CCDC125: variants seen among roughly 807,000 people sequenced by gnomAD.
The protein encoded by CCDC125 is coiled-coil domain-containing protein 125.
CCDC125 carries 43 observed loss-of-function variants against 57.4 expected under a neutral mutation model. The observed-to-expected ratio is 0.75, with a 90% CI of 0.59 to 0.97. The LOEUF is 0.97. Among genes scored for constraint, CCDC125 ranks in the 50% least tolerant of loss-of-function variants. The probability of loss-of-function intolerance (pLI) is 0.00; values close to 1 mark genes in which losing one functional copy is unlikely to be tolerated. For synonymous variants in CCDC125, 187 were observed against 195.2 expected, an observed-to-expected ratio of 0.96 and a Z score of 0.35; for missense variants, 563 against 595.7, an observed-to-expected ratio of 0.95 and a Z score of 0.57.
intron 8 of CCDC125, among the ~76,000 whole-genome samples, chr5:69,298,218 G>A (rs1257265296): frequency 1.3e-5 from 2 of 152,004 alleles, no homozygotes; most frequent in African/African-American, 4.8e-5. Flanking sequence ...GTTTCATCAT[G>A]TTGGCCAGGA....
intron 6 of CCDC125, among the ~76,000 whole-genome samples, chr5:69,304,668 G>A (rs1340691147): frequency 2.0e-5 from 3 of 151,826 alleles, no homozygotes; most frequent in Non-Finnish European, 2.9e-5. Context: ...CAAGTGATCT[G>A]CCCACCTCGG....
intron 10 of CCDC125, among the ~76,000 whole-genome samples, chr5:69,291,665 T>G (rs1026173817): frequency 2.0e-5 from 3 of 152,198 alleles, no homozygotes; most frequent in African/African-American, 7.2e-5. Context: ...TGGCCATAAA[T>G]TTTTGATGGG....
intron 9 of CCDC125, chr5:69,294,019 C>T (rs895958053): frequency 2.0e-5 from 6 of 294,378 alleles, no homozygotes; most frequent in Non-Finnish European, 3.0e-5. Flanking sequence ...AGACCTACCC[C>T]GTCCAAAGCC....
At chr5:69,304,707 G>C (rs1321989135) in intron 6 of CCDC125, among the ~76,000 whole-genome samples, 4 of 152,152 alleles carry the variant, frequency 2.6e-5, no homozygotes, top group Non-Finnish European at 1.5e-5. Flanking sequence ...TTACAGGCGT[G>C]AGCCACTGCG....
chr5:69,313,196 G>A (rs1373182417), intron 3 of CCDC125, among the ~76,000 whole-genome samples: 13 of 152,330 alleles, frequency 8.5e-5, no homozygotes, highest in Non-Finnish European at 1.8e-4. Flanking sequence ...CAGGGATGGA[G>A]GGAGGAGGAA....
chr5:69,285,491 G>C (rs199536108), intron 10 of CCDC125, 24 bp from the exon 11 acceptor site: 2 of 1,582,450 alleles, frequency 1.3e-6, no homozygotes, highest in Non-Finnish European at 1.7e-6. Flanking sequence ...TGAGAATCCA[G>C]CTGAGACATT....
downstream of CCDC125, among the ~76,000 whole-genome samples, chr5:69,275,479 A>G (rs1158109595): frequency 2.0e-5 from 3 of 152,192 alleles, no homozygotes; most frequent in Non-Finnish European, 4.4e-5. Flanking sequence ...GAAATGTACA[A>G]TATTTCACTA....
chr5:69,318,770 A>T (rs1759547761), intron 2 of CCDC125, among the ~76,000 whole-genome samples: 1 of 151,660 alleles, frequency 6.6e-6, no homozygotes, highest in Admixed American at 6.6e-5. Flanking sequence ...AATAAATAAA[A>T]ATAAAAAATA....
chr5:69,330,796 C>T (rs534730788), intron 1 of CCDC125, among the ~76,000 whole-genome samples: 9 of 152,268 alleles, frequency 5.9e-5, no homozygotes, highest in Admixed American at 3.9e-4. Context: ...ATTCTTTGCA[C>T]ATTAATTTCA....
At chr5:69,279,387 G>A (rs187057144), downstream of CCDC125, among the ~76,000 whole-genome samples, 179 of 152,100 alleles carry the variant, frequency 1.2e-3, no homozygotes, top group African/African-American at 4.1e-3. Context: ...TAGTAGAGAC[G>A]GGGTTTCACT....
chr5:69,307,229 A>G (rs971762886), intron 5 of CCDC125, among the ~76,000 whole-genome samples: 5 of 152,068 alleles, frequency 3.3e-5, no homozygotes, highest in Non-Finnish European at 5.9e-5. Context: ...ACTCCTGGAA[A>G]TCTTAACTCA....
At chr5:69,328,125 A>G (rs1267236667) in intron 1 of CCDC125, among the ~76,000 whole-genome samples, 5 of 152,116 alleles carry the variant, frequency 3.3e-5, no homozygotes, top group Non-Finnish European at 7.4e-5. Context: ...CAAACTCCTG[A>G]CCTCAGGCCA....
chr5:69,284,555 T>G (rs2150290332), intron 11 of CCDC125, among the ~76,000 whole-genome samples: 1 of 152,250 alleles, frequency 6.6e-6, no homozygotes, highest in East Asian at 1.9e-4. Flanking sequence ...AGATGGAGCC[T>G]TTAAACCTGC....
intron 4 of CCDC125, chr5:69,309,072 A>T (rs1308699800): frequency 6.6e-6 from 1 of 152,248 alleles, no homozygotes; most frequent in Admixed American, 6.5e-5. Context: ...GGTACTGTTA[A>T]AGGCATTCCA....
chr5:69,304,034 T>G, intron 6 of CCDC125, 105 bp from the exon 7 acceptor site: 1 of 623,066 alleles, frequency 1.6e-6, no homozygotes, highest in Non-Finnish European at 2.7e-6. Context: ...ATATAGTTTT[T>G]CCTACTTCAA....
intron 10 of CCDC125, among the ~76,000 whole-genome samples, chr5:69,289,787 C>G (rs1754092129): frequency 6.7e-6 from 1 of 150,026 alleles, no homozygotes; most frequent in Non-Finnish European, 1.5e-5. Flanking sequence ...TGCTTGAGCC[C>G]ATGAGGTAGA....
chr5:69,277,196 A>T (rs1320724895), downstream of CCDC125: 1 of 1,271,842 alleles, frequency 7.9e-7, no homozygotes, highest in East Asian at 2.4e-5. Flanking sequence ...AATAATGGAA[A>T]AATAGTAAAC....
intron 6 of CCDC125, among the ~76,000 whole-genome samples, chr5:69,305,293 A>G (rs1161834924): frequency 6.6e-6 from 1 of 152,068 alleles, no homozygotes; most frequent in Non-Finnish European, 1.5e-5. Context: ...AGGTCCCTGT[A>G]GCCTCTACCT....
chr5:69,311,263 C>G, intron 3 of CCDC125, 59 bp from the exon 4 acceptor site: 10 of 1,047,348 alleles, frequency 9.5e-6, no homozygotes, highest in Non-Finnish European at 1.3e-5. Flanking sequence ...CTAAAATTAT[C>G]AGTTTGGCTA....
Sources: allele counts gnomAD v4.1 joint callset (sites outside exome capture counted in the v4.1 genomes callset), GRCh38; gene constraint gnomAD v4.1.1; transcripts MANE v1.5; gene names NCBI Gene and HGNC (gene_info 2026-07-23, HGNC 2026-07-21).